Variants in BCAS3 observed in about 807,000 individuals in gnomAD.
The protein encoded by BCAS3 is BCAS3 microtubule associated cell migration factor.
In BCAS3, 53 loss-of-function variants were observed where a neutral mutation model predicts 116.1. The ratio of observed to expected loss-of-function variants is 0.46; its 90% CI spans 0.37 to 0.57. The LOEUF is 0.57. Ranked by LOEUF, BCAS3 falls within the 20% of genes least tolerant of loss-of-function variation. BCAS3 has a pLI of 0.00. For missense variants in BCAS3, 917 were observed against 1,165.4 expected, an observed-to-expected ratio of 0.79 and a Z score of 3.10; for synonymous variants, 391 against 408.2, an observed-to-expected ratio of 0.96 and a Z score of 0.51.
intron 10 of BCAS3, among the ~76,000 whole-genome samples, chr17:60,897,089 G>A (rs1377074388): frequency 1.3e-5 from 2 of 152,106 alleles, no homozygotes; most frequent in Admixed American, 6.6e-5. Flanking sequence ...ATGTCTTGTA[G>A]GGTCAATATA....
In BCAS3 at chr17:61,343,291, C is replaced by A. The variant is rs1016547261; in HGVS notation, c.2426-25036C>A. Among the ~76,000 whole-genome samples the A allele has an allele frequency of 6.6e-6, 1 of 152,218 alleles. No individual in the cohort carries two copies. The highest frequency in any genetic ancestry group is 1.5e-5 in the Non-Finnish European group (1 of 68,046). On this transcript the variant is annotated intron_variant, in intron 22 of 23. Coordinates refer to ENST00000407086, the MANE Select transcript of BCAS3 (RefSeq NM_017679.5). The surrounding 1 kb of genome is among the most constrained non-coding windows in gnomAD (Gnocchi z 5.5). The stretch of plus-strand genomic sequence containing the variant: ...GAGCAGAACAAGCCCTTCAATTGTG[C>A]ACCGTTGTGTATGGTGCCAGAGTAG...
At chr17:61,290,882 G>C in intron 22 of BCAS3, among the ~76,000 whole-genome samples, 1 of 152,126 alleles carries the variant, frequency 6.6e-6, no homozygotes, top group East Asian at 1.9e-4. Flanking sequence ...CCGGGTTCAT[G>C]CCATTCTCCT....
At chr17:61,110,548 G>A (rs927771834) in intron 22 of BCAS3, among the ~76,000 whole-genome samples, 7 of 152,220 alleles carry the variant, frequency 4.6e-5, no homozygotes, top group Non-Finnish European at 7.3e-5. Flanking sequence ...CTTAAAAAAC[G>A]GCGCACCACG....
intron 22 of BCAS3, among the ~76,000 whole-genome samples, chr17:61,319,896 A>AT (rs57784469): frequency 0.29 from 39,363 of 134,520 alleles, 6,110 homozygotes; most frequent in African/African-American, 0.42. Context: ...TTTATTTTTT[A>AT]TTTTTTTTTT....
chr17:60,984,157 G>A (rs759124897), intron 14 of BCAS3, among the ~76,000 whole-genome samples: 2 of 152,168 alleles, frequency 1.3e-5, no homozygotes, highest in Non-Finnish European at 2.9e-5. Flanking sequence ...GTCGAGATTG[G>A]CAGGCATGTG....
At position 60,951,292 on chromosome 17, in the gene BCAS3, T is replaced by C. The variant is rs188688180; in HGVS notation, c.1221+3940T>C. 2.0e-5 allele frequency among the ~76,000 whole-genome samples: 3 copies of C among 152,352 alleles called. 1 individual carries two copies. Among genetic ancestry groups the C allele is most frequent in the Admixed American group, 1.3e-4 (2 of 15,306 alleles). Reference sequence around the variant, plus strand: ...CTAAAATATTATGCAACTGTAGTAGTGATAGCTATACTCTTTGCTTTTTGA... The same window carrying C: ...CTAAAATATTATGCAACTGTAGTAGCGATAGCTATACTCTTTGCTTTTTGA... On this transcript the variant is annotated intron_variant, in intron 14 of 23. Coordinates refer to ENST00000407086, the MANE Select transcript of BCAS3 (RefSeq NM_017679.5).
At chr17:61,328,581 C>A (rs2143075157) in intron 22 of BCAS3, among the ~76,000 whole-genome samples, 1 of 152,254 alleles carries the variant, frequency 6.6e-6, no homozygotes, top group South Asian at 2.1e-4. Context: ...AGCCTGGCAA[C>A]ATGGCGAAAC....
At chr17:61,046,198 C>T (rs1193590445) in intron 19 of BCAS3, among the ~76,000 whole-genome samples, 6 of 130,394 alleles carry the variant, frequency 4.6e-5, no homozygotes, top group African/African-American at 1.2e-4. Flanking sequence ...AGCCATTAAG[C>T]GGACTTTATT....
chr17:61,239,303 A>C lies in BCAS3; in HGVS notation c.2426-129024A>C, dbSNP rs1294671413. Among the ~76,000 whole-genome samples, 1 of 152,358 alleles carries C rather than the reference A, an allele frequency of 6.6e-6. No homozygotes were observed. The highest frequency in any genetic ancestry group is 6.5e-5 in the Admixed American group (1 of 15,308). On this transcript the variant is annotated intron_variant, in intron 22 of 23. Transcript: ENST00000407086. This position sits in a 1 kb window ranked among gnomAD's most constrained non-coding sequence, Gnocchi z 4.2. ...AGAAGATCTTAGTTTTTATAGCAGT[A>C]CCATCAAAGATAGTTATATATCCAA...
intron 14 of BCAS3, among the ~76,000 whole-genome samples, chr17:60,973,687 G>C (rs2062117068): frequency 6.6e-6 from 1 of 151,340 alleles, no homozygotes; most frequent in African/African-American, 2.4e-5. Context: ...CCACCTCCCA[G>C]GTTCAAGCGA....
chr17:61,135,215 C>T (rs1471484842), intron 22 of BCAS3, among the ~76,000 whole-genome samples: 1 of 152,080 alleles, frequency 6.6e-6, no homozygotes, highest in Non-Finnish European at 1.5e-5. Flanking sequence ...TACTTTTTGT[C>T]ACTTAGCCCT....
rs1414650332 is a variant in BCAS3, at chr17:61,124,099, TTTA to T, written c.2425+39541_2425+39543del. Among the ~76,000 whole-genome samples, 7 of 152,196 alleles carry T rather than the reference TTTA, an allele frequency of 4.6e-5. No homozygotes were observed. The highest frequency in any genetic ancestry group is 1.7e-4 in the African/African-American group (7 of 41,540). On this transcript the variant is annotated intron_variant, in intron 22 of 23. Coordinates refer to ENST00000407086, the MANE Select transcript of BCAS3 (RefSeq NM_017679.5). The surrounding 1 kb of genome is among the most constrained non-coding windows in gnomAD (Gnocchi z 4.6). ...ATATATATATATACATATATATGTT[TTTA>T]TTATTTAACATTTGGAGGGAAGTCA...
At chr17:60,806,556 T>C (rs1160429681) in intron 6 of BCAS3, among the ~76,000 whole-genome samples, 3 of 142,840 alleles carry the variant, frequency 2.1e-5, no homozygotes, top group Non-Finnish European at 4.6e-5. Flanking sequence ...CTTCTTAATC[T>C]TTTTTTTTTT....
At chr17:60,825,034 C>T (rs920109950) in intron 7 of BCAS3, among the ~76,000 whole-genome samples, 10 of 151,940 alleles carry the variant, frequency 6.6e-5, no homozygotes, top group East Asian at 3.9e-4. Flanking sequence ...GGTGTGGTGG[C>T]ATGCATCTAT....
In BCAS3 at chr17:61,374,599, G is replaced by A. The variant is rs114854822; in HGVS notation, c.2593+6105G>A. ...CTTTACAGTGACAGCATTAAAGATA[G>A]GAAAAGGCTTCATCTTTTCCTGCCT... On this transcript the variant is annotated intron_variant, in intron 23 of 23. Transcript: ENST00000407086. Among the ~76,000 whole-genome samples the A allele has an allele frequency of 6.1e-3, 923 of 152,282 alleles. 15 individuals carry two copies. Among genetic ancestry groups the A allele is most frequent in the African/African-American group, 0.021 (888 of 41,540 alleles).
At chr17:60,946,162 G>T (rs1452424276) in intron 13 of BCAS3, among the ~76,000 whole-genome samples, 1 of 152,152 alleles carries the variant, frequency 6.6e-6, no homozygotes, top group Non-Finnish European at 1.5e-5. Flanking sequence ...TCCTTGGCAA[G>T]TTGACAATGT....
At chr17:60,710,553 T>TC (rs1444812078) in intron 5 of BCAS3, among the ~76,000 whole-genome samples, 1 of 151,214 alleles carries the variant, frequency 6.6e-6, no homozygotes, top group African/African-American at 2.4e-5. Context: ...TGCCTCAGCC[T>TC]CTCAAGTAGC....
At chr17:61,223,397 G>A (rs2082220036) in intron 22 of BCAS3, among the ~76,000 whole-genome samples, 2 of 152,122 alleles carry the variant, frequency 1.3e-5, no homozygotes, top group Non-Finnish European at 2.9e-5. Flanking sequence ...GACCTCAGGT[G>A]ATCTGCCTGC....
Position 61,083,662 on chromosome 17 carries a change from C to G in BCAS3, c.2328-805C>G, listed in dbSNP as rs1490783832. Among the ~76,000 whole-genome samples, 1 of 149,108 alleles carries G rather than the reference C, an allele frequency of 6.7e-6. No individual in the cohort carries two copies. Among genetic ancestry groups the G allele is most frequent in the African/African-American group, 2.5e-5 (1 of 40,180 alleles). On this transcript the variant is annotated intron_variant, in intron 21 of 23. Transcript: ENST00000407086. This position sits in a 1 kb window ranked among gnomAD's most constrained non-coding sequence, Gnocchi z 4.9. ...CCAGGCTGGAGTGCAGTGGCACGAT[C>G]TTGGCTCATTGCAACCTCTGGTTTT...
Sources: gnomAD v4.1 joint callset for allele counts (sites outside exome capture counted in the v4.1 genomes callset) on GRCh38, gnomAD v4.1.1 for gene constraint, Gnocchi (gnomAD v3.1) non-coding constraint, MANE v1.5 for transcripts, NCBI Gene and HGNC (gene_info 2026-07-23, HGNC 2026-07-21) for gene names.